SLC30A9: variants seen among roughly 807,000 people sequenced by gnomAD.
The protein encoded by SLC30A9 is solute carrier family 30 member 9, also known as proton-coupled zinc antiporter SLC30A9, mitochondrial.
SLC30A9 carries 58 observed loss-of-function variants against 87.5 expected under a neutral mutation model. The observed-to-expected ratio is 0.66, with a 90% CI of 0.54 to 0.82. SLC30A9 has a LOEUF of 0.82. Among genes scored for constraint, SLC30A9 ranks in the 40% least tolerant of loss-of-function variants. The pLI is 0.00. For synonymous variants in SLC30A9, 234 were observed against 233.0 expected (o/e 1.00, Z -0.04); for missense variants, 557 against 679.1 (o/e 0.82, Z 2.00).
chr4:42,015,070 T>A (rs1451355819), intron 2 of SLC30A9, among the ~76,000 whole-genome samples: 1 of 137,024 alleles, frequency 7.3e-6, no homozygotes, highest in Non-Finnish European at 1.5e-5. Flanking sequence ...GGGTTCTTTG[T>A]AACACAAACG....
chr4:41,996,929 G>A (rs1714739213), intron 1 of SLC30A9, among the ~76,000 whole-genome samples: 1 of 152,122 alleles, frequency 6.6e-6, no homozygotes. Context: ...AGCTACTTGG[G>A]AGGCTGAGGC....
In SLC30A9 at chr4:42,056,854, A is replaced by G. The variant is rs553911792; in HGVS notation, c.841-3337A>G. On this transcript the variant is annotated intron_variant, in intron 9 of 17. Coordinates refer to ENST00000264451, the MANE Select transcript of SLC30A9 (RefSeq NM_006345.4). ...TAAATACAGACATTGGGTAAATACC[A>G]TGTCTCCATTTGGCGACATTGGGTA... Among the ~76,000 whole-genome samples, 36 of 152,268 alleles carry G rather than the reference A, an allele frequency of 2.4e-4. No individual in the cohort carries two copies. In the East Asian group the frequency reaches 3.5e-3, roughly 15 times the overall value.
intron 6 of SLC30A9, chr4:42,030,117 G>A: frequency 2.2e-6 from 2 of 915,210 alleles, no homozygotes; most frequent in South Asian, 1.8e-5. Context: ...TTGAAGTTAA[G>A]AGCTGATCAC....
Position 42,078,284 on chromosome 4 carries a change from A to T in SLC30A9, c.1621A>T (p.Thr541Ser). 6.3e-7 allele frequency: 1 copy of T among 1,584,264 alleles called. No homozygotes were observed. The highest frequency in any genetic ancestry group is 1.7e-4 in the Middle Eastern group (1 of 5,964). The change falls in exon 17 of 18, where the codon ACT becomes TCT. Residue 541 changes from threonine to serine, a missense_variant. Physicochemically the swap from Thr to Ser is moderately conservative, Grantham distance 58 (BLOSUM62 1). Around this residue, in one of 2 missense-constraint regions of SLC30A9, gnomAD observed 90 missense variants for 149.4 expected, o/e 0.60. Transcript: ENST00000264451. Reference protein sequence around the residue: ...MLKHGENIIDTLGAEVDRLEK... With the variant: ...MLKHGENIIDSLGAEVDRLEK... The stretch of plus-strand genomic sequence containing the variant: ...TAAACATGGAGAAAATATTATTGAT[A>T]CTTTAGGAGCTGAAGTAGATAGACT...
intron 4 of SLC30A9, among the ~76,000 whole-genome samples, chr4:42,022,198 G>A (rs1453486881): frequency 6.6e-6 from 1 of 151,152 alleles, no homozygotes; most frequent in African/African-American, 2.4e-5. Context: ...GCCTCCCAAA[G>A]TGCTGGGATT....
chr4:42,071,764 T>C (rs1718318608), intron 15 of SLC30A9, among the ~76,000 whole-genome samples: 1 of 152,096 alleles, frequency 6.6e-6, no homozygotes, highest in Non-Finnish European at 1.5e-5. Context: ...CAAATTAATA[T>C]CCTTTCTTTG....
At chr4:42,026,990 A>G (rs888924248) in intron 6 of SLC30A9, among the ~76,000 whole-genome samples, 5 of 152,098 alleles carry the variant, frequency 3.3e-5, no homozygotes, top group Non-Finnish European at 5.9e-5. Context: ...AGTGTAATCA[A>G]TTTTAATAGA....
chr4:42,063,553 G>A (rs1717954742), intron 11 of SLC30A9, among the ~76,000 whole-genome samples: 1 of 152,170 alleles, frequency 6.6e-6, no homozygotes, highest in Non-Finnish European at 1.5e-5. Flanking sequence ...GCTTCCTTCA[G>A]GTAGGAAGCC....
At chr4:42,019,835 C>A (rs1421859320) in intron 3 of SLC30A9, among the ~76,000 whole-genome samples, 1 of 152,032 alleles carries the variant, frequency 6.6e-6, no homozygotes, top group East Asian at 1.9e-4. Flanking sequence ...GACTTTGTAG[C>A]CCAGGCTGGA....
chr4:42,056,953 G>A (rs1165541481), intron 9 of SLC30A9, among the ~76,000 whole-genome samples: 2 of 152,174 alleles, frequency 1.3e-5, no homozygotes, highest in African/African-American at 4.8e-5. Flanking sequence ...ATCCAGCGGG[G>A]CAGTCAATTC....
At chr4:42,031,445 A>G (rs1716433624) in intron 6 of SLC30A9, among the ~76,000 whole-genome samples, 1 of 152,248 alleles carries the variant, frequency 6.6e-6, no homozygotes, top group African/African-American at 2.4e-5. Context: ...TTAGTCGTCA[A>G]TGTAAGAAGA....
chr4:42,070,810 G>C (rs912788543), intron 15 of SLC30A9, 119 bp downstream of exon 15: 6 of 682,768 alleles, frequency 8.8e-6, no homozygotes, highest in Admixed American at 6.4e-5. Flanking sequence ...GAACGTTTTA[G>C]TCTGTAACTT....
chr4:42,084,511 C>T (rs1275789258), intron 17 of SLC30A9, among the ~76,000 whole-genome samples: 1 of 151,722 alleles, frequency 6.6e-6, no homozygotes, highest in Non-Finnish European at 1.5e-5. Context: ...CCCGCTCTGT[C>T]GCCAGGCTGG....
rs1560541637 is a variant in SLC30A9 at position 42,023,284 on chromosome 4, CCA to C, written c.528-17_528-16del. On this transcript the variant is annotated splice_polypyrimidine_tract_variant and intron_variant, in intron 5 of 17. Coordinates refer to ENST00000264451, the MANE Select transcript of SLC30A9 (RefSeq NM_006345.4). ...TCATTAAAATTGTTCATTGTGGTGACCATGTGTGTATGCACAGATCTTTGGAA... is the reference window on the plus strand; with the variant it reads ...TCATTAAAATTGTTCATTGTGGTGACTGTGTGTATGCACAGATCTTTGGAA... The C allele has an allele frequency of 6.4e-7, 1 of 1,555,738 alleles. No homozygotes were observed. The highest frequency in any genetic ancestry group is 2.2e-5 in the East Asian group (1 of 44,570).
At chr4:42,055,390 T>C (rs1717564432) in intron 9 of SLC30A9, among the ~76,000 whole-genome samples, 1 of 76,244 alleles carries the variant, frequency 1.3e-5, no homozygotes. Context: ...TTTATTTATT[T>C]ATTACTTATT....
At chr4:42,046,517 C>G (rs1413634359) in intron 8 of SLC30A9, among the ~76,000 whole-genome samples, 2 of 152,138 alleles carry the variant, frequency 1.3e-5, no homozygotes, top group Non-Finnish European at 2.9e-5. Flanking sequence ...AGGAATACAA[C>G]TTACAAGGGA....
At chr4:42,015,329 C>T (rs181925702) in intron 2 of SLC30A9, among the ~76,000 whole-genome samples, 2 of 151,330 alleles carry the variant, frequency 1.3e-5, no homozygotes, top group African/African-American at 4.9e-5. Context: ...GGATGGGAGG[C>T]GAATATAGAA....
intron 2 of SLC30A9, among the ~76,000 whole-genome samples, chr4:42,016,152 TA>T (rs995434555): frequency 3.3e-5 from 5 of 152,242 alleles, no homozygotes; most frequent in African/African-American, 1.2e-4. Flanking sequence ...TTGTGACAAT[TA>T]AATGAAATAA....
At chr4:42,009,392 A>G (rs533569875) in intron 2 of SLC30A9, among the ~76,000 whole-genome samples, 1 of 152,352 alleles carries the variant, frequency 6.6e-6, no homozygotes, top group South Asian at 2.1e-4. Flanking sequence ...AGTCAGGAAC[A>G]GCTCATTAAG....
Sources: allele counts gnomAD v4.1 joint callset (sites outside exome capture counted in the v4.1 genomes callset), GRCh38; gene constraint gnomAD v4.1.1; regional missense constraint gnomAD v4.1.1; transcripts MANE v1.5; gene names NCBI Gene and HGNC (gene_info 2026-07-23, HGNC 2026-07-21).